The following APBA1 variants were observed in gnomAD, a reference collection of about 807,000 sequenced individuals.
The protein encoded by APBA1 is amyloid beta precursor protein binding family A member 1, also known as amyloid-beta A4 precursor protein-binding family A member 1.
In APBA1, 55 loss-of-function variants were observed where a neutral mutation model predicts 86.6. The ratio of observed to expected loss-of-function variants is 0.64; its 90% confidence interval spans 0.51 to 0.80. The LOEUF (loss-of-function observed/expected upper bound fraction) is 0.80. APBA1 is among the 30% of genes least tolerant of loss of function. APBA1 has a pLI of 0.00. For synonymous variants in APBA1, 511 were observed against 493.9 expected, an observed-to-expected ratio of 1.03 and a Z score of -0.46; for missense variants, 1,090 against 1,183.0, an observed-to-expected ratio of 0.92 and a Z score of 1.15.
chr9:69,535,849 C>G (rs1836499813), intron 1 of APBA1, among the ~76,000 whole-genome samples: 1 of 151,952 alleles, frequency 6.6e-6, no homozygotes. Context: ...AAATATTATG[C>G]CTTTTTAGAG....
At position 69,440,932 on chromosome 9, in the gene APBA1, C is replaced by CCAG. The variant is rs112288233; in HGVS notation, c.2301+61_2301+63dup. 286 of 1,577,072 alleles carry CCAG rather than the reference C, an allele frequency of 1.8e-4. 4 individuals are homozygous for CCAG. In the African/African-American group the frequency reaches 3.4e-3, roughly 19 times the overall value. On this transcript the variant is annotated intron_variant, in intron 11 of 12. Coordinates refer to ENST00000265381, the MANE Select transcript of APBA1 (RefSeq NM_001163.4). The stretch of plus-strand genomic sequence containing the variant: ...ATTTAGCCATCTTGGCTCCACCCCC[C>CCAG]CAGCCATGCTACATTTTTATTTGTC...
In APBA1 at chr9:69,671,384, GC is replaced by G. The variant is rs748479125; in HGVS notation, c.-70+768del. On this transcript the variant is annotated intron_variant, in intron 1 of 12. Transcript: ENST00000265381. ...CGGTTATCCTATTTCCCTGCCATGT[GC>G]CTCAAAGCAACATGCTCACTTCCAC... Among the ~76,000 whole-genome samples, 127 of 152,276 alleles carry G rather than the reference GC, an allele frequency of 8.3e-4. 1 individual carries two copies. Among genetic ancestry groups the G allele is most frequent in the South Asian group, 1.2e-3 (6 of 4,822 alleles).
chr9:69,556,394 A>G (rs1399525916), intron 1 of APBA1, among the ~76,000 whole-genome samples: 1 of 152,148 alleles, frequency 6.6e-6, no homozygotes, highest in Non-Finnish European at 1.5e-5. Flanking sequence ...GGACACACCT[A>G]GACTGGAGGA....
chr9:69,566,104 C>T (rs1452142634), intron 1 of APBA1, among the ~76,000 whole-genome samples: 1 of 152,228 alleles, frequency 6.6e-6, no homozygotes, highest in East Asian at 1.9e-4. Flanking sequence ...TTCTCCAGAA[C>T]TCAGCCAAAA....
At chr9:69,623,274 A>G (rs1822862347) in intron 1 of APBA1, among the ~76,000 whole-genome samples, 1 of 152,048 alleles carries the variant, frequency 6.6e-6, no homozygotes, top group Non-Finnish European at 1.5e-5. Context: ...GATAAGGGTG[A>G]TTCTGCAGGT....
chr9:69,562,797 AG>A (rs1159031598), intron 1 of APBA1, among the ~76,000 whole-genome samples: 1 of 152,236 alleles, frequency 6.6e-6, no homozygotes, highest in African/African-American at 2.4e-5. Flanking sequence ...CTGCCCAAAT[AG>A]AAAATTTTAA....
chr9:69,571,656 T>A (rs1321879304), intron 1 of APBA1, among the ~76,000 whole-genome samples: 1 of 152,222 alleles, frequency 6.6e-6, no homozygotes, highest in Non-Finnish European at 1.5e-5. Flanking sequence ...CATTAGACAA[T>A]GGAAAAAGTT....
intron 1 of APBA1, among the ~76,000 whole-genome samples, chr9:69,555,743 G>T (rs1485910060): frequency 1.3e-5 from 2 of 152,120 alleles, no homozygotes; most frequent in Admixed American, 6.6e-5. Flanking sequence ...ATACTTCATG[G>T]TTGCTTTAAT....
chr9:69,449,007 G>A (rs1206183302), intron 10 of APBA1, among the ~76,000 whole-genome samples: 1 of 152,180 alleles, frequency 6.6e-6, no homozygotes, highest in Non-Finnish European at 1.5e-5. Flanking sequence ...GGTTGAGCAG[G>A]AAGTATGCTC....
At chr9:69,551,239 T>C (rs1836779492) in intron 1 of APBA1, among the ~76,000 whole-genome samples, 1 of 152,162 alleles carries the variant, frequency 6.6e-6, no homozygotes, top group African/African-American at 2.4e-5. Context: ...GCTTCACAAC[T>C]TAACATCAAT....
intron 6 of APBA1, among the ~76,000 whole-genome samples, chr9:69,457,492 C>G (rs145038347): frequency 2.2e-4 from 33 of 152,282 alleles, no homozygotes; most frequent in Non-Finnish European, 4.3e-4. Context: ...AAGCTCATAC[C>G]AAAAGACCTT....
At chr9:69,611,655 C>T (rs551118412) in intron 1 of APBA1, among the ~76,000 whole-genome samples, 1 of 152,178 alleles carries the variant, frequency 6.6e-6, no homozygotes, top group African/African-American at 2.4e-5. Context: ...TAATTTGGAT[C>T]CAACTGTCTT....
intron 1 of APBA1, among the ~76,000 whole-genome samples, chr9:69,597,555 G>C (rs1822253616): frequency 6.6e-6 from 1 of 152,160 alleles, no homozygotes; most frequent in South Asian, 2.1e-4. Flanking sequence ...TGCTGCCATT[G>C]CTTTTGGTGT....
chr9:69,603,590 A>G (rs1822398863), intron 1 of APBA1, among the ~76,000 whole-genome samples: 1 of 152,270 alleles, frequency 6.6e-6, no homozygotes, highest in Admixed American at 6.5e-5. Context: ...ATACTTCCCA[A>G]TTTTATAAAT....
Position 69,536,707 on chromosome 9 carries a change from A to G in APBA1, c.-69-19428T>C, listed in dbSNP as rs796428969. On this transcript the variant is annotated intron_variant, in intron 1 of 12. Transcript: ENST00000265381. ...CATGAAGAAACCCCATCTCTACTAA[A>G]AAAAAAAAAAAAAAAAAAAAAAATT... Among the ~76,000 whole-genome samples, 944 of 143,820 alleles carry G rather than the reference A, an allele frequency of 6.6e-3. 3 individuals are homozygous for G. The highest frequency in any genetic ancestry group is 0.023 in the African/African-American group (884 of 38,416). The allele number at this position is 143,820 out of a possible 152,430, so 94.4% of individuals were successfully genotyped here. A position where few individuals can be genotyped will look rare whatever the true frequency, so the allele number is the denominator to read the frequency against.
At chr9:69,445,722 T>C (rs1440334426) in intron 10 of APBA1, among the ~76,000 whole-genome samples, 1 of 152,054 alleles carries the variant, frequency 6.6e-6, no homozygotes, top group Non-Finnish European at 1.5e-5. Flanking sequence ...AAAAATAAGG[T>C]AGGAAGAGTA....
chr9:69,670,418 C>A (rs1343954032), intron 1 of APBA1, among the ~76,000 whole-genome samples: 1 of 152,192 alleles, frequency 6.6e-6, no homozygotes, highest in Non-Finnish European at 1.5e-5. Flanking sequence ...GAGAACCGGG[C>A]AGCCAGTTTG....
In APBA1 at chr9:69,471,675, T is replaced by C. The variant is rs1251956420; in HGVS notation, c.1317A>G (p.Ser439=). 1.2e-6 allele frequency: 2 copies of C among 1,613,624 alleles called. No individual in the cohort carries two copies. The highest frequency in any genetic ancestry group is 2.7e-5 in the African/African-American group (2 of 74,926). The stretch of plus-strand genomic sequence containing the variant: ...TCTTACCTTCAACGTAGGTTGGGAA[T>C]GAAGCCAAGCTTTTTCTTGACTGTA... ...TNKESRKSLA[S]FPTYVEVPGP... is the part of the protein sequence containing the mutation. The change falls in exon 4 of 13, where the codon TCA becomes TCG. Residue 439 remains serine, a synonymous_variant. Transcript: ENST00000265381.
chr9:69,555,593 T>C (rs1215030655), intron 1 of APBA1, among the ~76,000 whole-genome samples: 1 of 152,192 alleles, frequency 6.6e-6, no homozygotes, highest in Non-Finnish European at 1.5e-5. Flanking sequence ...GGTAGTATAT[T>C]TGGTATTTAA....
Sources: gnomAD v4.1 joint callset for allele counts (sites outside exome capture counted in the v4.1 genomes callset) on GRCh38, gnomAD v4.1.1 for gene constraint, MANE v1.5 for transcripts, NCBI Gene and HGNC (gene_info 2026-07-23, HGNC 2026-07-21) for gene names.